MEI1: variants seen among roughly 807,000 people sequenced by gnomAD.
The protein encoded by MEI1 is meiotic double-stranded break formation protein 1.
In MEI1, 103 loss-of-function variants were observed where a neutral mutation model predicts 146.2. That is an observed-to-expected ratio of 0.70 (90% confidence interval 0.60 to 0.83). MEI1 has a LOEUF of 0.83. Among genes scored for constraint, MEI1 ranks in the 40% least tolerant of loss-of-function variants. MEI1 has a pLI of 0.00. For missense variants in MEI1, 1,529 were observed against 1,533.0 expected (o/e 1.00, Z 0.04); for synonymous variants, 652 against 628.2 (o/e 1.04, Z -0.57).
At chr22:41,758,115 A>G (rs1446881958) in intron 17 of MEI1, among the ~76,000 whole-genome samples, 1 of 152,102 alleles carries the variant, frequency 6.6e-6, no homozygotes, top group African/African-American at 2.4e-5. Context: ...CAAAAGAAAA[A>G]CAAAACAAAA....
At chr22:41,757,204 C>T (rs1021159590) in intron 17 of MEI1, among the ~76,000 whole-genome samples, 1 of 152,272 alleles carries the variant, frequency 6.6e-6, no homozygotes, top group South Asian at 2.1e-4. Context: ...ACGCCATTCT[C>T]CTGCCTCAGC....
chr22:41,709,118 A>G (rs920257228), intron 3 of MEI1: 93 of 664,426 alleles, frequency 1.4e-4, no homozygotes, highest in Middle Eastern at 4.4e-4. Context: ...TGCTAACAAC[A>G]TAGCTTAAAA....
chr22:41,745,129 T>C lies in MEI1; in HGVS notation c.1538+65T>C, dbSNP rs151151601. ...GTAGGGGTGGAAGGGATTCAGACAA[T>C]GGGTGAAGTTCTAGAGGCAACACTT... On this transcript the variant is annotated intron_variant, in intron 13 of 30. Transcript: ENST00000401548. 7.2e-5 allele frequency: 83 copies of C among 1,145,332 alleles called. No individual in the cohort carries two copies. In the African/African-American group the frequency reaches 1.2e-3, roughly 17 times the overall value. The allele number at this position is 1,145,332 out of a possible 1,614,324, so 70.9% of individuals were successfully genotyped here.
chr22:41,759,656 T>TAAATAAATAAATAAATAA (rs1342490376), intron 18 of MEI1, among the ~76,000 whole-genome samples: 2 of 131,752 alleles, frequency 1.5e-5, no homozygotes, highest in African/African-American at 5.6e-5. Context: ...AATAAATAAA[T>TAAATAAATAAATAAATAA]AAATAAAAAT....
chr22:41,732,668 G>T, intron 11 of MEI1, 65 bp downstream of exon 11: 1 of 1,519,556 alleles, frequency 6.6e-7, no homozygotes, highest in South Asian at 1.3e-5. Context: ...TTGAGGCCAG[G>T]GTAGCGGATA....
chr22:41,776,656 T>C (rs2075450360), intron 21 of MEI1, among the ~76,000 whole-genome samples: 2 of 152,084 alleles, frequency 1.3e-5, no homozygotes, highest in South Asian at 2.1e-4. Flanking sequence ...CTGTGATGTG[T>C]TGGAAGCTCC....
chr22:41,743,397 A>T (rs138982992), intron 12 of MEI1, among the ~76,000 whole-genome samples: 2 of 152,320 alleles, frequency 1.3e-5, no homozygotes, highest in East Asian at 3.9e-4. Context: ...GGGGAAACTA[A>T]AGCCACGAGG....
intron 19 of MEI1, among the ~76,000 whole-genome samples, chr22:41,767,024 G>A (rs1323150079): frequency 6.6e-6 from 1 of 152,174 alleles, no homozygotes; most frequent in African/African-American, 2.4e-5. Flanking sequence ...AGAGGTGTGG[G>A]TAGAGGAGCA....
chr22:41,770,074 C>T (rs1222885489), intron 19 of MEI1, among the ~76,000 whole-genome samples: 12 of 151,678 alleles, frequency 7.9e-5, no homozygotes, highest in African/African-American at 1.9e-4. Flanking sequence ...GCAGAGGTTG[C>T]GGTGAGCCGA....
At chr22:41,718,470 G>A (rs1481861550) in intron 6 of MEI1, among the ~76,000 whole-genome samples, 196 bp downstream of exon 6, 1 of 152,096 alleles carries the variant, frequency 6.6e-6, no homozygotes, top group Non-Finnish European at 1.5e-5. Flanking sequence ...TGTTGCCTTT[G>A]GAGGAAAATA....
chr22:41,781,842 G>A lies in MEI1; in HGVS notation c.3084G>A (p.Leu1028=), dbSNP rs1304307735. The A allele has an allele frequency of 6.2e-7, 1 of 1,613,950 alleles. No homozygotes were observed. The highest frequency in any genetic ancestry group is 1.7e-5 in the Admixed American group (1 of 60,030). Residue 1028 remains leucine, a synonymous_variant, in exon 24 of 31, where the codon TTG becomes TTA. Transcript: ENST00000401548. Reference sequence around the variant, plus strand: ...CTGCCCAGCAGCACAAGGGCAGTTTGCAGGTTAGTCTTTAACTCCTGTGGC... The same window carrying A: ...CTGCCCAGCAGCACAAGGGCAGTTTACAGGTTAGTCTTTAACTCCTGTGGC... ...SFSAQQHKGS[L]QVHQTLSVEM... is the part of the protein sequence containing the mutation.
intron 19 of MEI1, among the ~76,000 whole-genome samples, chr22:41,765,870 A>G (rs1424563529): frequency 2.0e-5 from 3 of 148,378 alleles, no homozygotes; most frequent in Non-Finnish European, 4.5e-5. Context: ...AAATTTCACT[A>G]TACCAAAATG....
chr22:41,743,030 G>T, intron 11 of MEI1, 50 bp from the exon 12 acceptor site: 2 of 1,340,612 alleles, frequency 1.5e-6, no homozygotes, highest in South Asian at 1.2e-5. Flanking sequence ...GGGTTATCTT[G>T]GGAATACCGT....
chr22:41,741,066 A>G (rs1205609638), intron 11 of MEI1, among the ~76,000 whole-genome samples: 1 of 152,190 alleles, frequency 6.6e-6, no homozygotes, highest in African/African-American at 2.4e-5. Flanking sequence ...ACGCGCCACC[A>G]TGCCCAGCTA....
At chr22:41,713,483 G>GA (rs57285035) in intron 3 of MEI1, among the ~76,000 whole-genome samples, 121,642 of 146,398 alleles carry the variant, frequency 0.83, 51,179 homozygotes, top group African/African-American at 0.95. Context: ...AAAATCAAAA[G>GA]AAAAAAAAAA....
intron 21 of MEI1, among the ~76,000 whole-genome samples, chr22:41,777,998 C>CTCCT (rs2075555387): frequency 6.6e-6 from 1 of 151,154 alleles, no homozygotes; most frequent in Admixed American, 6.6e-5. Flanking sequence ...CTCCCTCCTC[C>CTCCT]TCCTTCCTTC....
Position 41,701,237 on chromosome 22 carries a change from C to A in MEI1, c.174+1525C>A, listed in dbSNP as rs544451553. ...TAAAGACGTGAGCCACCACACCCGG[C>A]CAAACAGCTGGATTTTTATCTATTT... On this transcript the variant is annotated intron_variant, in intron 1 of 30. Transcript: ENST00000401548. Among the ~76,000 whole-genome samples the A allele has an allele frequency of 5.3e-5, 8 of 152,192 alleles. No homozygotes were observed. In the East Asian group the frequency reaches 1.5e-3, roughly 29 times the overall value.
intron 21 of MEI1, among the ~76,000 whole-genome samples, chr22:41,777,386 C>T (rs1213343549): frequency 6.8e-6 from 1 of 146,948 alleles, no homozygotes; most frequent in Non-Finnish European, 1.5e-5. Flanking sequence ...GAACTCCTGA[C>T]CTCAAGTGAT....
intron 11 of MEI1, among the ~76,000 whole-genome samples, chr22:41,738,401 A>C (rs1409551912): frequency 6.6e-6 from 1 of 152,188 alleles, no homozygotes; most frequent in Non-Finnish European, 1.5e-5. Flanking sequence ...AGCCTGACCA[A>C]CGTGGTTCAT....
Sources: allele counts gnomAD v4.1 joint callset (sites outside exome capture counted in the v4.1 genomes callset), GRCh38; gene constraint gnomAD v4.1.1; transcripts MANE v1.5; gene names NCBI Gene and HGNC (gene_info 2026-07-23, HGNC 2026-07-21).